The following FKTN variants were observed in gnomAD, a reference collection of about 807,000 sequenced individuals.
FKTN encodes the protein fukutin.
FKTN carries 47 observed loss-of-function variants against 58.6 expected under a neutral mutation model. The observed-to-expected ratio is 0.80, with a 90% CI of 0.63 to 1.02. The LOEUF (loss-of-function observed/expected upper bound fraction) is 1.02. Among genes scored for constraint, FKTN ranks in the 50% least tolerant of loss-of-function variants. The pLI, the probability that FKTN is intolerant of heterozygous loss-of-function variation, is 0.00. For missense variants in FKTN, 516 were observed against 537.3 expected (o/e 0.96, Z 0.39); for synonymous variants, 178 against 191.9 (o/e 0.93, Z 0.60).
Position 105,574,963 on chromosome 9 carries a change from T to A in FKTN, c.-70T>A. ...TTCACAGAAAACAAAATTATCTTCC[T>A]TTCCAAATCCAAAAAGATGAAAACG... On this transcript the variant is annotated 5_prime_UTR_variant, in exon 3 of 11. Coordinates refer to ENST00000357998, the MANE Select transcript of FKTN (RefSeq NM_001079802.2). The A allele has an allele frequency of 1.1e-6, 1 of 891,008 alleles. No homozygotes were observed. Among genetic ancestry groups the A allele is most frequent in the East Asian group, 2.4e-5 (1 of 41,536 alleles). 55.2% of individuals were successfully genotyped at this position (891,008 alleles called of 1,614,324 possible).
chr9:105,612,075 C>T (rs1164696861), intron 7 of FKTN, among the ~76,000 whole-genome samples: 1 of 151,804 alleles, frequency 6.6e-6, no homozygotes, highest in Non-Finnish European at 1.5e-5. Flanking sequence ...ATAGTAGCCA[C>T]TCTGACTGGT....
intron 8 of FKTN, among the ~76,000 whole-genome samples, chr9:105,617,589 A>G (rs1277385904): frequency 6.6e-6 from 1 of 152,250 alleles, no homozygotes; most frequent in Non-Finnish European, 1.5e-5. Flanking sequence ...AAACTAAAAT[A>G]TATCATGAAA....
At position 105,561,828 on chromosome 9, in the gene FKTN, T is replaced by G. The variant is rs115466254; in HGVS notation, c.-181+3663T>G. 6.4e-3 allele frequency among the ~76,000 whole-genome samples: 972 copies of G among 152,224 alleles called. 14 individuals are homozygous for G. The highest frequency in any genetic ancestry group is 0.022 in the African/African-American group (926 of 41,524). ...AAGTTAGCAGTCAAAGGAAAAGAAA[T>G]GGACAATAAGAAAGACCAACAGTAT... On this transcript the variant is annotated intron_variant, in intron 1 of 10. Transcript: ENST00000357998.
chr9:105,560,913 CCT>C (rs1789819627), intron 1 of FKTN, among the ~76,000 whole-genome samples: 1 of 151,990 alleles, frequency 6.6e-6, no homozygotes, highest in Non-Finnish European at 1.5e-5. Context: ...CTGATGAAAC[CCT>C]GTCTCTACTG....
At chr9:105,568,990 G>C (rs997048860) in intron 1 of FKTN, among the ~76,000 whole-genome samples, 1 of 152,096 alleles carries the variant, frequency 6.6e-6, no homozygotes, top group Non-Finnish European at 1.5e-5. Flanking sequence ...TCCTTTGTAG[G>C]GACATGGATG....
At chr9:105,573,442 A>G (rs1461724223) in intron 1 of FKTN, among the ~76,000 whole-genome samples, 3 of 152,224 alleles carry the variant, frequency 2.0e-5, no homozygotes, top group Non-Finnish European at 2.9e-5. Flanking sequence ...TGGGCAACAT[A>G]GCAAGACCCT....
intron 3 of FKTN, among the ~76,000 whole-genome samples, chr9:105,575,550 A>G (rs1841510020): frequency 6.6e-6 from 1 of 152,174 alleles, no homozygotes; most frequent in African/African-American, 2.4e-5. Context: ...TAAAGTAGAG[A>G]CAATGATGTG....
intron 3 of FKTN, among the ~76,000 whole-genome samples, chr9:105,589,065 A>G (rs1039266193): frequency 1.3e-5 from 2 of 152,188 alleles, no homozygotes; most frequent in Admixed American, 6.5e-5. Flanking sequence ...CTCTCCAGAG[A>G]CGGATTAAAC....
Position 105,639,295 on chromosome 9 carries a change from A to T in FKTN, c.*4031A>T. On this transcript the variant is annotated 3_prime_UTR_variant, in exon 11 of 11. Coordinates refer to ENST00000357998, the MANE Select transcript of FKTN (RefSeq NM_001079802.2). The stretch of plus-strand genomic sequence containing the variant: ...TAAGACCTGGGCTAGATCACCTCTA[A>T]CATCTCACTCAGGGAAGGCAATGTG... 1 of 984,856 alleles carries T rather than the reference A, an allele frequency of 1.0e-6. No individual in the cohort carries two copies. The highest frequency in any genetic ancestry group is 1.2e-6 in the Non-Finnish European group (1 of 829,434). The allele number at this position is 984,856 out of a possible 1,614,324, so 61.0% of individuals were successfully genotyped here.
intron 3 of FKTN, among the ~76,000 whole-genome samples, chr9:105,577,661 T>C (rs2132082083): frequency 6.6e-6 from 1 of 150,994 alleles, no homozygotes; most frequent in African/African-American, 2.5e-5. Context: ...GGCTCTTTTT[T>C]GGTTCCCTAT....
Position 105,639,180 on chromosome 9 carries a change from G to T in FKTN, c.*3916G>T, listed in dbSNP as rs1322272951. On this transcript the variant is annotated 3_prime_UTR_variant, in exon 11 of 11. Coordinates refer to ENST00000357998, the MANE Select transcript of FKTN (RefSeq NM_001079802.2). ...ATTAGTTGTAATAGCTTTAATGCAT[G>T]GAAAAACTTCAGTTACTGACCAGTC... 1 of 985,286 alleles carries T rather than the reference G, an allele frequency of 1.0e-6. No individual in the cohort carries two copies. The highest frequency in any genetic ancestry group is 1.7e-5 in the African/African-American group (1 of 57,330). 61.0% of individuals were successfully genotyped at this position (985,286 alleles called of 1,614,324 possible). A position where few individuals can be genotyped will look rare whatever the true frequency, so the allele number is the denominator to read the frequency against.
In FKTN at chr9:105,562,903, C is replaced by A. The variant is rs114097596; in HGVS notation, c.-181+4738C>A. Among the ~76,000 whole-genome samples, 1,378 of 152,290 alleles carry A rather than the reference C, an allele frequency of 9.0e-3. 21 individuals are homozygous for A. Among genetic ancestry groups the A allele is most frequent in the African/African-American group, 0.032 (1,320 of 41,560 alleles). On this transcript the variant is annotated intron_variant, in intron 1 of 10. Coordinates refer to ENST00000357998, the MANE Select transcript of FKTN (RefSeq NM_001079802.2). ...CACAGCATAAGGATATGGCTAGGCT[C>A]TCACATATCATCTTATGAACCTAAG...
chr9:105,639,807 C>T lies in FKTN; in HGVS notation c.*4543C>T. The T allele has an allele frequency of 4.1e-6, 5 of 1,205,654 alleles. No individual in the cohort carries two copies. The highest frequency in any genetic ancestry group is 4.1e-5 in the Admixed American group (1 of 24,570). The allele number at this position is 1,205,654 out of a possible 1,614,324, so 74.7% of individuals were successfully genotyped here. On this transcript the variant is annotated 3_prime_UTR_variant, in exon 11 of 11. Coordinates refer to ENST00000357998, the MANE Select transcript of FKTN (RefSeq NM_001079802.2). ...TAAGCAGTTGTCTCCTAATATTATC[C>T]CATATGCTACCTAGTTTGCTGGTCC...
At position 105,575,057 on chromosome 9, in the gene FKTN, G is replaced by C. The variant is rs145387221; in HGVS notation, c.25G>C (p.Val9Leu). The C allele has an allele frequency of 6.2e-7, 1 of 1,608,656 alleles. No homozygotes were observed. The highest frequency in any genetic ancestry group is 8.5e-7 in the Non-Finnish European group (1 of 1,175,162). ...AATGAGTAGAATCAATAAGAACGTG[G>C]TTTTGGCCCTTTTAACGCTGACAAG... MSRINKNVVLALLTLTSSA... is the reference protein window; with the variant it reads MSRINKNVLLALLTLTSSA... Residue 9 changes from valine (V) to leucine (L), a missense_variant, in exon 3 of 11, where the codon GTT becomes CTT. Physicochemically the swap from Val to Leu is conservative, Grantham distance 32. Transcript: ENST00000357998.
At chr9:105,567,197 A>G (rs1465202317) in intron 1 of FKTN, among the ~76,000 whole-genome samples, 1 of 152,186 alleles carries the variant, frequency 6.6e-6, no homozygotes, top group African/African-American at 2.4e-5. Flanking sequence ...TATCATACTG[A>G]ATGGGCAAAA....
At chr9:105,581,492 C>T (rs1842897389) in intron 3 of FKTN, among the ~76,000 whole-genome samples, 1 of 151,012 alleles carries the variant, frequency 6.6e-6, no homozygotes, top group South Asian at 2.1e-4. Flanking sequence ...GGTCAGGGGT[C>T]AGGGACCCAC....
chr9:105,621,288 A>G (rs1831893621), intron 10 of FKTN, among the ~76,000 whole-genome samples: 1 of 152,146 alleles, frequency 6.6e-6, no homozygotes, highest in African/African-American at 2.4e-5. Context: ...GGCTGAGTAG[A>G]GTAGTTTCTT....
intron 1 of FKTN, among the ~76,000 whole-genome samples, chr9:105,564,108 C>T (rs1054073666): frequency 2.0e-5 from 3 of 152,198 alleles, no homozygotes; most frequent in African/African-American, 4.8e-5. Context: ...AGAAGGAAAA[C>T]TAACAAACAG....
Position 105,601,297 on chromosome 9 carries a change from T to C in FKTN, c.318T>C (p.Val106=). The change falls in exon 5 of 11, where the codon GTT becomes GTC. Residue 106 remains valine (V), a synonymous_variant. Transcript: ENST00000357998. ...CTTCACAATGCAAGTTTTTCTGTGT[T>C]CCAAGAGACTTTACTGCATTTGCAC... The part of the protein sequence containing the change: ...GSTSQCKFFC[V]PRDFTAFALQ... 2 of 1,612,608 alleles carry C rather than the reference T, an allele frequency of 1.2e-6. No homozygotes were observed. Among genetic ancestry groups the C allele is most frequent in the Non-Finnish European group, 1.7e-6 (2 of 1,179,658 alleles).
Sources: allele counts gnomAD v4.1 joint callset (sites outside exome capture counted in the v4.1 genomes callset), GRCh38; gene constraint gnomAD v4.1.1; transcripts MANE v1.5; gene names NCBI Gene and HGNC (gene_info 2026-07-23, HGNC 2026-07-21).